The following FHIT variants were observed in gnomAD, a reference collection of about 807,000 sequenced individuals.
FHIT encodes the protein bis(5'-adenosyl)-triphosphatase.
Under a neutral mutation model 17.9 loss-of-function variants are expected in FHIT, and 19 were observed. That is an observed-to-expected ratio of 1.06 (90% CI 0.74 to 1.56). The LOEUF is 1.56. Among genes scored for constraint, FHIT ranks in the 40% most tolerant of loss-of-function variants. The pLI is 0.00. For synonymous variants in FHIT, 81 were observed against 69.7 expected, an observed-to-expected ratio of 1.16 and a Z score of -0.81; for missense variants, 248 against 189.2, an observed-to-expected ratio of 1.31 and a Z score of -1.82.
intron 4 of FHIT, among the ~76,000 whole-genome samples, chr3:60,663,162 C>T (rs13323742): frequency 1.2e-4 from 4 of 32,644 alleles, no homozygotes; most frequent in Admixed American, 2.8e-4. Context: ...AGATATATAT[C>T]TCTTTAATGT....
chr3:60,873,959 A>G (rs1553755683), intron 3 of FHIT, among the ~76,000 whole-genome samples: 2 of 152,182 alleles, frequency 1.3e-5, no homozygotes, highest in Admixed American at 1.3e-4. Flanking sequence ...TGCCTATAGT[A>G]AAAATAAAAT....
chr3:60,266,138 G>C (rs966637663), intron 5 of FHIT, among the ~76,000 whole-genome samples: 1 of 151,958 alleles, frequency 6.6e-6, no homozygotes, highest in East Asian at 1.9e-4. Context: ...AAGCCTAAAA[G>C]TGGAAACACC....
chr3:60,463,612 G>T (rs148868297), intron 5 of FHIT, among the ~76,000 whole-genome samples: 61 of 152,274 alleles, frequency 4.0e-4, no homozygotes, highest in African/African-American at 1.3e-3. Context: ...GGAAGGGGAC[G>T]TGTAACATTT....
intron 4 of FHIT, among the ~76,000 whole-genome samples, chr3:60,603,569 T>G (rs1317422545): frequency 3.4e-5 from 5 of 149,094 alleles, no homozygotes; most frequent in African/African-American, 1.3e-4. Flanking sequence ...ATTGCCTACA[T>G]TTTTTAATGA....
In FHIT at chr3:60,745,966, A is replaced by C. The variant is rs151184647; in HGVS notation, c.-18+75953T>G. On this transcript the variant is annotated intron_variant, in intron 4 of 9. Coordinates refer to ENST00000492590, the MANE Select transcript of FHIT (RefSeq NM_002012.4). ...TCCACAGGAAACCCATTAAATAGGC[A>C]GGGAAGAAAATGCTCACCATTCAGC... Among the ~76,000 whole-genome samples the C allele has an allele frequency of 5.5e-3, 835 of 152,350 alleles. 6 individuals are homozygous for C. The highest frequency in any genetic ancestry group is 7.8e-3 in the Non-Finnish European group (532 of 68,032).
At chr3:60,675,472 C>T (rs1328578126) in intron 4 of FHIT, among the ~76,000 whole-genome samples, 1 of 152,198 alleles carries the variant, frequency 6.6e-6, no homozygotes, top group Non-Finnish European at 1.5e-5. Context: ...CAAGTTCTCC[C>T]ATATTCTCTC....
chr3:60,403,180 C>A (rs1289218089), intron 5 of FHIT, among the ~76,000 whole-genome samples: 1 of 152,122 alleles, frequency 6.6e-6, no homozygotes, highest in Non-Finnish European at 1.5e-5. Context: ...TTGAAATAAC[C>A]TGTGTGAGAA....
At chr3:59,917,328 CCATT>C (rs1366451481) in intron 8 of FHIT, among the ~76,000 whole-genome samples, 2 of 152,204 alleles carry the variant, frequency 1.3e-5, no homozygotes, top group African/African-American at 4.8e-5. Flanking sequence ...ACAGTCACAA[CCATT>C]CAATGTCACC....
chr3:59,958,448 T>G (rs1468966615), intron 7 of FHIT, among the ~76,000 whole-genome samples: 1 of 152,136 alleles, frequency 6.6e-6, no homozygotes, highest in Non-Finnish European at 1.5e-5. Flanking sequence ...ATTCCTCTTT[T>G]GAAAAAAACT....
intron 5 of FHIT, among the ~76,000 whole-genome samples, chr3:60,398,541 T>C (rs1032023852): frequency 6.6e-6 from 1 of 152,188 alleles, no homozygotes; most frequent in African/African-American, 2.4e-5. Context: ...GTCACATAGG[T>C]ATTAATGCCA....
intron 7 of FHIT, among the ~76,000 whole-genome samples, chr3:59,967,139 C>T (rs572957828): frequency 6.6e-6 from 1 of 152,212 alleles, no homozygotes; most frequent in Admixed American, 6.5e-5. Context: ...TCTTGTCCCA[C>T]TGAAAGGCCT....
intron 5 of FHIT, among the ~76,000 whole-genome samples, chr3:60,445,557 C>G (rs1451534818): frequency 6.6e-6 from 1 of 152,070 alleles, no homozygotes; most frequent in Admixed American, 6.6e-5. Context: ...GAAGGCCTAT[C>G]TCATTCCTGA....
intron 8 of FHIT, among the ~76,000 whole-genome samples, chr3:59,855,393 C>T (rs1316440712): frequency 6.6e-6 from 1 of 152,112 alleles, no homozygotes; most frequent in Non-Finnish European, 1.5e-5. Flanking sequence ...GGTTTTATTG[C>T]ATGTATAATT....
intron 8 of FHIT, among the ~76,000 whole-genome samples, chr3:59,824,020 A>G (rs1265508925): frequency 6.6e-6 from 1 of 152,206 alleles, no homozygotes; most frequent in Non-Finnish European, 1.5e-5. Context: ...AAATTAACGT[A>G]CACAAATCAG....
At chr3:60,542,037 A>G (rs543121757) in intron 4 of FHIT, among the ~76,000 whole-genome samples, 1 of 152,258 alleles carries the variant, frequency 6.6e-6, no homozygotes, top group Non-Finnish European at 1.5e-5. Flanking sequence ...TATTATTCAG[A>G]ATCCTCTTTA....
intron 2 of FHIT, among the ~76,000 whole-genome samples, chr3:61,147,874 A>G (rs17064510): frequency 0.061 from 9,333 of 152,008 alleles, 961 homozygotes; most frequent in African/African-American, 0.21. Context: ...TCTAGCTACA[A>G]TTGACATTAT....
intron 7 of FHIT, among the ~76,000 whole-genome samples, chr3:59,937,583 G>A (rs1054686118): frequency 1.3e-5 from 2 of 152,154 alleles, no homozygotes; most frequent in Non-Finnish European, 2.9e-5. Context: ...GGGAATTGGA[G>A]CAAGGAGCTA....
intron 2 of FHIT, among the ~76,000 whole-genome samples, chr3:61,183,581 G>C (rs79522983): frequency 0.085 from 12,945 of 152,134 alleles, 1,196 homozygotes; most frequent in East Asian, 0.42. Context: ...CTGAACATCT[G>C]TTCCCTTACT....
chr3:60,026,093 G>C (rs900483723), intron 5 of FHIT, among the ~76,000 whole-genome samples: 4 of 152,126 alleles, frequency 2.6e-5, no homozygotes, highest in African/African-American at 9.7e-5. Flanking sequence ...TCACAGGGGA[G>C]GCTGGGGCAT....
Sources: gnomAD v4.1 joint callset for allele counts (sites outside exome capture counted in the v4.1 genomes callset) on GRCh38, gnomAD v4.1.1 for gene constraint, MANE v1.5 for transcripts, NCBI Gene and HGNC (gene_info 2026-07-23, HGNC 2026-07-21) for gene names.